USP35: variants seen among roughly 807,000 people sequenced by gnomAD.
USP35 encodes the protein ubiquitin carboxyl-terminal hydrolase 35.
A neutral mutation model predicts 83.8 loss-of-function variants in USP35; 69 were observed. The observed-to-expected ratio is 0.82, with a 90% CI of 0.68 to 1.01. The LOEUF (loss-of-function observed/expected upper bound fraction) is 1.01. Ranked by LOEUF, USP35 falls within the 50% of genes least tolerant of loss-of-function variation. The probability of loss-of-function intolerance (pLI) is 0.00; values close to 1 mark genes in which losing one functional copy is unlikely to be tolerated. For synonymous variants in USP35, 714 were observed against 589.5 expected (o/e 1.21, Z -3.06); for missense variants, 1,503 against 1,362.5 (o/e 1.10, Z -1.62).
Position 78,213,744 on chromosome 11 carries a change from T to A in USP35, c.2988T>A (p.Asp996Glu). The A allele has an allele frequency of 6.5e-7, 1 of 1,542,324 alleles. No homozygotes were observed. The highest frequency in any genetic ancestry group is 8.7e-7 in the Non-Finnish European group (1 of 1,153,888). The change falls in exon 11 of 11, where the codon GAT (aspartate) becomes GAA (glutamate). Residue 996 changes from aspartate (D) to glutamate (E), a missense_variant. Coordinates refer to ENST00000529308, the MANE Select transcript of USP35 (RefSeq NM_020798.4). ...GCTTTGATGAAGACAAGGATGAGGA[T>A]GAAGGCTCTCCAGGGGGCTGCAATC... ...GRGFDEDKDE[D>E]EGSPGGCNPA...
At chr11:78,220,272 C>T in the USP35 span, 900 of 1,607,340 alleles carry the variant, frequency 5.6e-4, 2 homozygotes, top group South Asian at 2.8e-3. Flanking sequence ...TCTCTGCCTC[C>T]GGGACCCTGA....
chr11:78,216,563 A>G (rs144366979), downstream of USP35: 341 of 152,080 alleles, frequency 2.2e-3, no homozygotes, highest in African/African-American at 8.0e-3. Context: ...CACCCGAGGG[A>G]TTTTGGTAGT....
the USP35 span, among the ~76,000 whole-genome samples, chr11:78,229,860 G>T: frequency 6.6e-6 from 1 of 152,104 alleles, no homozygotes; most frequent in Non-Finnish European, 1.5e-5. Flanking sequence ...CCTCAATCTG[G>T]CAAGTTCCTA....
Position 78,213,920 on chromosome 11 carries a change from C to A in USP35, c.*107C>A. 7.8e-7 allele frequency: 1 copy of A among 1,274,982 alleles called. No individual in the cohort carries two copies. Among genetic ancestry groups the A allele is most frequent in the Non-Finnish European group, 1.1e-6 (1 of 949,640 alleles). The allele number at this position is 1,274,982 out of a possible 1,614,324, so 79.0% of individuals were successfully genotyped here. A position where few individuals can be genotyped will look rare whatever the true frequency, so the allele number is the denominator to read the frequency against. On this transcript the variant is annotated 3_prime_UTR_variant, in exon 11 of 11. Transcript: ENST00000529308. ...AGAGGAAGGATGGTACAGCTCATGGCACCTTAGTCCTCAGCCTGATGAAGG... is the reference window on the plus strand; with the variant it reads ...AGAGGAAGGATGGTACAGCTCATGGAACCTTAGTCCTCAGCCTGATGAAGG...
intron 3 of USP35, 52 bp downstream of exon 3, chr11:78,198,120 C>T: frequency 6.2e-7 from 1 of 1,609,360 alleles, no homozygotes; most frequent in Non-Finnish European, 8.5e-7. Flanking sequence ...TCCCTCTCTT[C>T]CTCTCAGAAG....
intron 6 of USP35, among the ~76,000 whole-genome samples, chr11:78,201,706 A>G (rs1197705990): frequency 1.3e-5 from 2 of 152,182 alleles, no homozygotes; most frequent in Non-Finnish European, 2.9e-5. Context: ...TCTGATGCTC[A>G]CAAGAAACCT....
At chr11:78,216,062 C>CAGAAAG (rs2134440018), downstream of USP35, 1 of 152,790 alleles carries the variant, frequency 6.5e-6, no homozygotes, top group Non-Finnish European at 1.5e-5. Flanking sequence ...CCCAATCCCC[C>CAGAAAG]AGAAAGAAGT....
chr11:78,201,553 A>G (rs1157967577), intron 6 of USP35, among the ~76,000 whole-genome samples: 2 of 152,208 alleles, frequency 1.3e-5, no homozygotes, highest in African/African-American at 2.4e-5. Flanking sequence ...TTCTCCAGTT[A>G]GAGAGGACAG....
intron 3 of USP35, 84 bp downstream of exon 3, chr11:78,198,152 C>T (rs1164687705): frequency 1.3e-6 from 2 of 1,584,518 alleles, no homozygotes; most frequent in Non-Finnish European, 1.7e-6. Flanking sequence ...GGGTGGGCCG[C>T]TGGGCTAGAT....
the USP35 span, chr11:78,231,744 T>G: frequency 6.6e-6 from 1 of 152,242 alleles, no homozygotes. Flanking sequence ...TATACCATAC[T>G]ATATGATGAT....
the USP35 span, among the ~76,000 whole-genome samples, chr11:78,233,987 T>C: frequency 3.4e-4 from 51 of 152,176 alleles, no homozygotes; most frequent in Non-Finnish European, 6.3e-4. Context: ...AAAACTACAG[T>C]TTTTTCTCTT....
the USP35 span, among the ~76,000 whole-genome samples, chr11:78,234,852 A>T: frequency 4.6e-5 from 7 of 152,016 alleles, no homozygotes; most frequent in African/African-American, 1.7e-4. Flanking sequence ...TCTACTAAAA[A>T]TACAAAAATT....
At chr11:78,211,312 T>C (rs978458019) in intron 10 of USP35, among the ~76,000 whole-genome samples, 1 of 152,242 alleles carries the variant, frequency 6.6e-6, no homozygotes, top group Admixed American at 6.5e-5. Context: ...CATAGTATTC[T>C]GTGGTGTATA....
Position 78,209,698 on chromosome 11 carries a change from A to G in USP35, c.1843A>G (p.Met615Val). The G allele has an allele frequency of 6.2e-7, 1 of 1,613,812 alleles. No homozygotes were observed. Among genetic ancestry groups the G allele is most frequent in the Non-Finnish European group, 8.5e-7 (1 of 1,179,884 alleles). The change falls in exon 10 of 11, where the codon ATG becomes GTG. Residue 615 changes from methionine (M) to valine (V), a missense_variant. Physicochemically the swap from Met to Val is conservative, Grantham distance 21. Transcript: ENST00000529308. Reference sequence around the variant, plus strand: ...TCGCCGCCGCCGCCTGGGCTCTGTGATGCGCCCCACAGAAGACATCACAGC... The same window carrying G: ...TCGCCGCCGCCGCCTGGGCTCTGTGGTGCGCCCCACAGAAGACATCACAGC... The part of the protein sequence containing the change: ...RCRRRRLGSV[M>V]RPTEDITARE...
chr11:78,206,377 C>T (rs1230430991), intron 7 of USP35, among the ~76,000 whole-genome samples: 1 of 152,238 alleles, frequency 6.6e-6, no homozygotes, highest in Non-Finnish European at 1.5e-5. Context: ...TTAGACATCT[C>T]TCTCTTTTAA....
the USP35 span, chr11:78,225,201 A>T: frequency 6.2e-7 from 1 of 1,600,474 alleles, no homozygotes; most frequent in South Asian, 1.1e-5. Context: ...CACAGGAAGA[A>T]GCTGACAGAG....
downstream of USP35, chr11:78,218,989 T>C: frequency 2.5e-6 from 1 of 402,288 alleles, no homozygotes; most frequent in East Asian, 4.7e-5. Flanking sequence ...AGGAAGAGGC[T>C]GAAGGATGCT....
the USP35 span, among the ~76,000 whole-genome samples, chr11:78,226,212 G>T: frequency 1.3e-5 from 2 of 152,196 alleles, no homozygotes; most frequent in African/African-American, 4.8e-5. Flanking sequence ...AATCAAGAAT[G>T]TCCTATTCTC....
intron 6 of USP35, among the ~76,000 whole-genome samples, chr11:78,205,621 A>G (rs1379898162): frequency 3.3e-5 from 5 of 152,192 alleles, no homozygotes; most frequent in South Asian, 2.1e-4. Flanking sequence ...TGCCACCTTA[A>G]GGCAGTCCTG....
Sources: gnomAD v4.1 joint callset for allele counts (sites outside exome capture counted in the v4.1 genomes callset) on GRCh38, gnomAD v4.1.1 for gene constraint, MANE v1.5 for transcripts, NCBI Gene and HGNC (gene_info 2026-07-23, HGNC 2026-07-21) for gene names.